The following KASH5 variants were observed in gnomAD, a reference collection of about 807,000 sequenced individuals.
The protein encoded by KASH5 is KASH domain containing 5, also known as protein KASH5.
Under a neutral mutation model 84.2 loss-of-function variants are expected in KASH5, and 72 were observed. The observed-to-expected ratio is 0.85, with a 90% CI of 0.71 to 1.04. The LOEUF is 1.04. Among genes scored for constraint, KASH5 ranks in the 50% least tolerant of loss-of-function variants. The pLI is 0.00. For missense variants in KASH5, 650 were observed against 701.0 expected (o/e 0.93, Z 0.82); for synonymous variants, 260 against 279.1 (o/e 0.93, Z 0.68).
chr19:49,394,729 A>G, intron 3 of KASH5, 149 bp downstream of exon 3: 2 of 636,036 alleles, frequency 3.1e-6, no homozygotes, highest in South Asian at 3.8e-5. Context: ...AAGCTTCAGG[A>G]AGAAGAACGT....
intron 2 of KASH5, among the ~76,000 whole-genome samples, chr19:49,392,618 A>G (rs555028286): frequency 1.3e-5 from 2 of 152,260 alleles, no homozygotes; most frequent in East Asian, 3.9e-4. Flanking sequence ...AACATGAGAA[A>G]GACACTGAGA....
chr19:49,391,192 C>T (rs936588078), intron 2 of KASH5, among the ~76,000 whole-genome samples: 7 of 152,108 alleles, frequency 4.6e-5, no homozygotes, highest in African/African-American at 1.7e-4. Context: ...CCATTCAGAT[C>T]GCGGCCCAGA....
In KASH5 at chr19:49,407,614, C is replaced by T. The variant is rs748037463; in HGVS notation, c.936C>T (p.Arg312=). The T allele has an allele frequency of 7.0e-5, 112 of 1,595,196 alleles. No individual in the cohort carries two copies. Among genetic ancestry groups the T allele is most frequent in the Admixed American group, 2.3e-4 (13 of 57,544 alleles). ...ICQRDTILSE[R]TRDVESLAQT... The stretch of plus-strand genomic sequence containing the variant: ...CATTTGGCTTTCGGCTTTCCTAGCG[C>T]ACTCGCGATGTGGAGAGCCTGGCCC... The change falls in exon 12 of 20, where the codon CGC becomes CGT. Residue 312 remains arginine, a splice_region_variant and synonymous_variant. Coordinates refer to ENST00000447857, the MANE Select transcript of KASH5 (RefSeq NM_144688.5).
In KASH5 at chr19:49,395,170, T is replaced by A. The variant is rs1178460061; in HGVS notation, c.213T>A (p.Asp71Glu). Residue 71 changes from aspartate (D) to glutamate (E), a missense_variant, in exon 4 of 20, where the codon GAT (aspartate) becomes GAA (glutamate). Transcript: ENST00000447857. The surrounding 1 kb of genome is among the most constrained non-coding windows in gnomAD (Gnocchi z 4.4). ...LEAVTGQGPQDARLQTLANSL... is the reference protein window; with the variant it reads ...LEAVTGQGPQEARLQTLANSL... ...CTGTGACAGGCCAGGGCCCCCAGGA[T>A]GCACGCCTCCAAACATTGGCCAACA... 1 of 1,613,136 alleles carries A rather than the reference T, an allele frequency of 6.2e-7. No homozygotes were observed. The highest frequency in any genetic ancestry group is 8.5e-7 in the Non-Finnish European group (1 of 1,179,560).
intron 2 of KASH5, 40 bp from the exon 3 acceptor site, chr19:49,394,436 A>T: frequency 6.5e-7 from 1 of 1,536,414 alleles, no homozygotes; most frequent in Non-Finnish European, 9.0e-7. Flanking sequence ...TTCCTTCCTT[A>T]TTCTTCCCAC....
chr19:49,407,481 C>T (rs940765647), intron 11 of KASH5, 131 bp from the exon 12 acceptor site: 4 of 1,149,980 alleles, frequency 3.5e-6, no homozygotes, highest in Non-Finnish European at 5.1e-6. Flanking sequence ...GCCCGGTGCT[C>T]TCCCTTGTGC....
In KASH5 at chr19:49,412,454, G is replaced by A. The variant is rs1665536289; in HGVS notation, c.1270-514G>A. 6.6e-6 allele frequency among the ~76,000 whole-genome samples: 1 copy of A among 152,168 alleles called. No individual in the cohort carries two copies. The highest frequency in any genetic ancestry group is 1.5e-5 in the Non-Finnish European group (1 of 68,046). On this transcript the variant is annotated intron_variant, in intron 15 of 19. Transcript: ENST00000447857. The surrounding 1 kb of genome is among the most constrained non-coding windows in gnomAD (Gnocchi z 4.6). ...TGGAAGAGTTGGGTGCACCATCCTG[G>A]AGCTCGAGGATTGCGTTTAGAAAAC...
chr19:49,410,956 C>T (rs887818746), intron 15 of KASH5, among the ~76,000 whole-genome samples: 7 of 147,896 alleles, frequency 4.7e-5, no homozygotes, highest in African/African-American at 1.0e-4. Flanking sequence ...TATTTTGAGA[C>T]GGTCTCACTC....
rs983624442 is a variant in KASH5, at chr19:49,394,551, C to G, written c.119C>G (p.Thr40Arg). The change falls in exon 3 of 20, where the codon ACG becomes AGG. Residue 40 changes from threonine (T) to arginine (R), a missense_variant. By Grantham distance (71) the Thr-to-Arg change is moderately conservative. Transcript: ENST00000447857. ...TTGGAGGAGCAAATACTCAACTCCA[C>G]GTTCGAAGCTTGTGACCCTCAGAGG... ...VSLEEQILNS[T>R]FEACDPQRTG... 6 of 1,613,514 alleles carry G rather than the reference C, an allele frequency of 3.7e-6. No homozygotes were observed. The highest frequency in any genetic ancestry group is 5.1e-6 in the Non-Finnish European group (6 of 1,179,802).
chr19:49,408,352 C>T (rs1974598818), intron 12 of KASH5: 2 of 155,126 alleles, frequency 1.3e-5, no homozygotes, highest in South Asian at 2.0e-4. Context: ...CCTCATGTTT[C>T]TCTTGCCTGT....
chr19:49,399,609 G>A lies in KASH5; in HGVS notation c.798+102G>A. The A allele has an allele frequency of 6.5e-7, 1 of 1,547,594 alleles. No individual in the cohort carries two copies. The highest frequency in any genetic ancestry group is 8.7e-7 in the Non-Finnish European group (1 of 1,144,634). ...CAACACCCCAGCAGCCTGTCTTGGG[G>A]AGACCTCAGAATGTCAGTAGTGTGG... On this transcript the variant is annotated intron_variant, in intron 9 of 19. Coordinates refer to ENST00000447857, the MANE Select transcript of KASH5 (RefSeq NM_144688.5). The surrounding 1 kb of genome is among the most constrained non-coding windows in gnomAD (Gnocchi z 4.4).
At chr19:49,394,678 C>T (rs1974116992) in intron 3 of KASH5, 98 bp downstream of exon 3, 3 of 887,552 alleles carry the variant, frequency 3.4e-6, no homozygotes, top group South Asian at 1.4e-5. Context: ...GCTAAGGCCC[C>T]CTCTTGGGGG....
intron 17 of KASH5, 170 bp downstream of exon 17, chr19:49,415,166 G>T: frequency 1.4e-6 from 1 of 710,918 alleles, no homozygotes; most frequent in Non-Finnish European, 2.4e-6. Flanking sequence ...TAATGAGAGC[G>T]ATGGTGAGGT....
chr19:49,407,045 T>G, intron 10 of KASH5, 82 bp downstream of exon 10: 3 of 1,398,512 alleles, frequency 2.1e-6, no homozygotes, highest in Non-Finnish European at 3.0e-6. Context: ...GACTGCAGCC[T>G]GATAAGGGCA....
rs1456736920 is a variant in KASH5, at chr19:49,414,682, GCCCGTCCGTGCTGCCTGGCCTCC to G, written c.1329-265_1329-243del. On this transcript the variant is annotated intron_variant, in intron 16 of 19. Transcript: ENST00000447857. The surrounding 1 kb of genome is among the most constrained non-coding windows in gnomAD (Gnocchi z 4.5). Reference sequence around the variant, plus strand: ...AATACATATGCAGGACACCCCCCAGGCCCGTCCGTGCTGCCTGGCCTCCCCCAGGCCCGTCCGTGCTGCCTGGC... The same window carrying G: ...AATACATATGCAGGACACCCCCCAGGCCCAGGCCCGTCCGTGCTGCCTGGC... Among the ~76,000 whole-genome samples, 1,673 of 151,006 alleles carry G rather than the reference GCCCGTCCGTGCTGCCTGGCCTCC, an allele frequency of 0.011. 141 individuals carry two copies. Among genetic ancestry groups the G allele is most frequent in the African/African-American group, 0.037 (1,492 of 40,786 alleles).
At chr19:49,396,249 T>TGG (rs1245731698) in intron 5 of KASH5, among the ~76,000 whole-genome samples, 28 of 77,430 alleles carry the variant, frequency 3.6e-4, no homozygotes, top group African/African-American at 1.5e-3. Flanking sequence ...TGGACTTTTT[T>TGG]TTTTTTTTTT....
rs771653144 is a variant in KASH5, at chr19:49,404,482, C to T, written c.799-2404C>T. The stretch of plus-strand genomic sequence containing the variant: ...GCCCTCAGCCTTGAAGACTCAGCAA[C>T]GCCTCCTCAGGAAGCCTGTTAGTGC... On this transcript the variant is annotated intron_variant, in intron 9 of 19. Transcript: ENST00000447857. Among the ~76,000 whole-genome samples, 12 of 152,156 alleles carry T rather than the reference C, an allele frequency of 7.9e-5. 1 individual carries two copies. Among genetic ancestry groups the T allele is most frequent in the Non-Finnish European group, 1.6e-4 (11 of 68,034 alleles).
chr19:49,417,127 C>G lies in KASH5; in HGVS notation c.1440-32C>G, dbSNP rs1974931962. ...GGAGGGACACTGGGGCAAGGAAAAA[C>G]CCAGTGGTGATTCCCTCCTTCACCC... is the stretch of plus-strand genomic sequence containing the variant. On this transcript the variant is annotated intron_variant, in intron 18 of 19. Transcript: ENST00000447857. The surrounding 1 kb of genome is among the most constrained non-coding windows in gnomAD (Gnocchi z 5.2). 6.2e-7 allele frequency: 1 copy of G among 1,610,798 alleles called. No homozygotes were observed. Among genetic ancestry groups the G allele is most frequent in the African/African-American group, 1.3e-5 (1 of 74,842 alleles).
intron 5 of KASH5, among the ~76,000 whole-genome samples, chr19:49,397,379 G>A (rs1296463990): frequency 6.6e-6 from 1 of 152,180 alleles, no homozygotes; most frequent in Non-Finnish European, 1.5e-5. Flanking sequence ...GTGGTCGGTG[G>A]GGGATCTGGG....
Sources: allele counts gnomAD v4.1 joint callset (sites outside exome capture counted in the v4.1 genomes callset), GRCh38; gene constraint gnomAD v4.1.1; non-coding constraint Gnocchi (gnomAD v3.1); transcripts MANE v1.5; gene names NCBI Gene and HGNC (gene_info 2026-07-23, HGNC 2026-07-21).